MEGF6: variants seen among roughly 807,000 people sequenced by gnomAD.
MEGF6 encodes the protein multiple epidermal growth factor-like domains protein 6.
A neutral mutation model predicts 207.1 loss-of-function variants in MEGF6; 184 were observed. That is an observed-to-expected ratio of 0.89 (90% confidence interval 0.79 to 1.00). MEGF6 has a LOEUF of 1.00. Ranked by LOEUF, MEGF6 falls within the 50% of genes least tolerant of loss-of-function variation. MEGF6 has a pLI of 0.00. For synonymous variants in MEGF6, 1,038 were observed against 910.0 expected, an observed-to-expected ratio of 1.14 and a Z score of -2.53; for missense variants, 2,282 against 2,202.9, an observed-to-expected ratio of 1.04 and a Z score of -0.72.
At chr1:3,546,670 CGAGGTGGGGTGGCAGTGG>C (rs1642718483) in intron 4 of MEGF6, among the ~76,000 whole-genome samples, 1 of 131,564 alleles carries the variant, frequency 7.6e-6, no homozygotes, top group African/African-American at 3.0e-5. Context: ...CCAGGGAGGC[CGAGGTGGGGTGGCAGTGG>C]GCTGGGAAGG....
chr1:3,566,775 C>A (rs1003186775), intron 4 of MEGF6, among the ~76,000 whole-genome samples: 2 of 152,204 alleles, frequency 1.3e-5, no homozygotes, highest in Non-Finnish European at 2.9e-5. Context: ...GCAGGGATCC[C>A]AGCAGACACC....
chr1:3,560,832 G>C lies in MEGF6; in HGVS notation c.481+18993C>G. ...GCAGCCAGGAACAGCCTCAGGCGTC[G>C]GCCGCGAGGGGGTTGCTGGGCTGGC... On this transcript the variant is annotated intron_variant, in intron 4 of 36. Transcript: ENST00000356575. This position sits in a 1 kb window ranked among gnomAD's most constrained non-coding sequence, Gnocchi z 4.0. 1 of 450,748 alleles carries C rather than the reference G, an allele frequency of 2.2e-6. No homozygotes were observed. Among genetic ancestry groups the C allele is most frequent in the South Asian group, 1.6e-5 (1 of 63,008 alleles). The allele number at this position is 450,748 out of a possible 1,614,324, so 27.9% of individuals were successfully genotyped here. A position where few individuals can be genotyped will look rare whatever the true frequency, so the allele number is the denominator to read the frequency against.
chr1:3,497,628 G>A (rs1292398850), intron 26 of MEGF6: 4 of 649,774 alleles, frequency 6.2e-6, no homozygotes, highest in South Asian at 4.5e-5. Context: ...CAGGCTGCAG[G>A]GACGAGACAG....
In MEGF6 at chr1:3,594,774, T is replaced by C. The variant is rs1173444238; in HGVS notation, c.376+564A>G. Among the ~76,000 whole-genome samples the C allele has an allele frequency of 1.3e-5, 2 of 152,200 alleles. No individual in the cohort carries two copies. Among genetic ancestry groups the C allele is most frequent in the Non-Finnish European group, 2.9e-5 (2 of 68,032 alleles). On this transcript the variant is annotated intron_variant, in intron 3 of 36. Coordinates refer to ENST00000356575, the MANE Select transcript of MEGF6 (RefSeq NM_001409.4). The surrounding 1 kb of genome is among the most constrained non-coding windows in gnomAD (Gnocchi z 4.2). Reference sequence around the variant, plus strand: ...AATTCCAGTCCTGGGCCCCCATCTCTGAGCCCCAGCACATCAGCACCTGCC... The same window carrying C: ...AATTCCAGTCCTGGGCCCCCATCTCCGAGCCCCAGCACATCAGCACCTGCC...
At chr1:3,534,570 C>A (rs1045033261) in intron 4 of MEGF6, among the ~76,000 whole-genome samples, 1 of 152,270 alleles carries the variant, frequency 6.6e-6, no homozygotes. Context: ...CCATAAAAGT[C>A]AACAAACGTG....
intron 3 of MEGF6, among the ~76,000 whole-genome samples, chr1:3,581,431 A>G (rs12041495): frequency 0.24 from 36,905 of 152,116 alleles, 5,260 homozygotes; most frequent in African/African-American, 0.38. Flanking sequence ...GGTGGGGGCC[A>G]GGGGGCTGCA....
chr1:3,512,831 T>C (rs1248202821), intron 7 of MEGF6, among the ~76,000 whole-genome samples: 1 of 152,218 alleles, frequency 6.6e-6, no homozygotes, highest in African/African-American at 2.4e-5. Flanking sequence ...CATTGGAAAC[T>C]GACCACTGCC....
At chr1:3,557,383 G>A (rs1052027390) in intron 4 of MEGF6, among the ~76,000 whole-genome samples, 21 of 152,164 alleles carry the variant, frequency 1.4e-4, no homozygotes, top group African/African-American at 4.1e-4. Context: ...GGCTGCTCCC[G>A]GCTGCAGCTG....
At chr1:3,508,027 T>G (rs1557731309) in intron 13 of MEGF6, 104 bp from the exon 14 acceptor site, 1 of 1,330,664 alleles carries the variant, frequency 7.5e-7, no homozygotes. Flanking sequence ...TGCCTAGAGA[T>G]AAAATGATGG....
chr1:3,618,455 G>A, the MEGF6 span, among the ~76,000 whole-genome samples: 16 of 152,164 alleles, frequency 1.1e-4, no homozygotes, highest in African/African-American at 3.6e-4. The surrounding 1 kb of genome is among the most constrained non-coding windows in gnomAD (Gnocchi z 4.7). Context: ...CAGGTGGGAA[G>A]CAGCGCAAAA....
intron 7 of MEGF6, among the ~76,000 whole-genome samples, chr1:3,513,783 G>C (rs1641438034): frequency 6.6e-6 from 1 of 150,916 alleles, no homozygotes; most frequent in African/African-American, 2.4e-5. Context: ...TTAGAGACAG[G>C]GTCTCGCCAT....
intron 4 of MEGF6, among the ~76,000 whole-genome samples, chr1:3,529,822 A>G (rs1449964405): frequency 6.6e-6 from 1 of 152,220 alleles, no homozygotes; most frequent in Non-Finnish European, 1.5e-5. Flanking sequence ...AAACCACCCA[A>G]GACGCGCCCC....
At chr1:3,526,429 G>A (rs1360642618) in intron 4 of MEGF6, among the ~76,000 whole-genome samples, 4 of 139,558 alleles carry the variant, frequency 2.9e-5, no homozygotes, top group African/African-American at 1.1e-4. Context: ...AGACAGTCTC[G>A]CTCTGTCGCC....
At chr1:3,539,563 C>T (rs749107612) in intron 4 of MEGF6, among the ~76,000 whole-genome samples, 1 of 152,146 alleles carries the variant, frequency 6.6e-6, no homozygotes, top group Non-Finnish European at 1.5e-5. Flanking sequence ...CCGAGGCATC[C>T]GCAGTTCTGA....
rs1025382598 is a variant in MEGF6 at position 3,488,924 on chromosome 1, G to A, written c.*1604C>T. 8.5e-5 allele frequency among the ~76,000 whole-genome samples: 13 copies of A among 152,100 alleles called. No homozygotes were observed. The highest frequency in any genetic ancestry group is 1.8e-4 in the Non-Finnish European group (12 of 68,028). On this transcript the variant is annotated 3_prime_UTR_variant, in exon 37 of 37. Coordinates refer to ENST00000356575, the MANE Select transcript of MEGF6 (RefSeq NM_001409.4). ...CAATGACTTCTTACTTTTGTATTTT[G>A]CAGTTAGATGGATGTGAATGAACAC...
chr1:3,622,042 G>A, the MEGF6 span, among the ~76,000 whole-genome samples: 1 of 152,198 alleles, frequency 6.6e-6, no homozygotes, highest in Non-Finnish European at 1.5e-5. Context: ...ATGAGACTTT[G>A]GACTGTGGAC....
At chr1:3,610,183 C>G (rs553165210) in intron 1 of MEGF6, among the ~76,000 whole-genome samples, 1 of 152,386 alleles carries the variant, frequency 6.6e-6, no homozygotes, top group African/African-American at 2.4e-5. Context: ...AAGCCAGACC[C>G]AGGGTGGGGT....
At chr1:3,595,480 G>C in intron 2 of MEGF6, 33 bp from the exon 3 acceptor site, 1 of 1,566,040 alleles carries the variant, frequency 6.4e-7, no homozygotes, top group Non-Finnish European at 8.8e-7. Context: ...AGTGCTTACC[G>C]TCGCGGGACT....
At chr1:3,501,438 G>A (rs905635811) in intron 18 of MEGF6, 130 bp from the exon 19 acceptor site, 209 of 1,356,778 alleles carry the variant, frequency 1.5e-4, no homozygotes, top group Middle Eastern at 9.7e-4. Flanking sequence ...AGCCTGCCCC[G>A]GGGAGGGGAG....
Sources: gnomAD v4.1 joint callset for allele counts (sites outside exome capture counted in the v4.1 genomes callset) on GRCh38, gnomAD v4.1.1 for gene constraint, Gnocchi (gnomAD v3.1) non-coding constraint, MANE v1.5 for transcripts, NCBI Gene and HGNC (gene_info 2026-07-23, HGNC 2026-07-21) for gene names.